Variants in PROCR observed in about 807,000 individuals in gnomAD.
PROCR encodes protein C receptor, also known as endothelial protein C receptor.
A neutral mutation model predicts 24.2 loss-of-function variants in PROCR; 22 were observed. The ratio of observed to expected loss-of-function variants is 0.91; its 90% CI spans 0.65 to 1.30. PROCR has a LOEUF of 1.30. PROCR is among the 50% of genes most tolerant of loss of function. PROCR has a pLI of 0.00. For missense variants in PROCR, 288 were observed against 307.7 expected (o/e 0.94, Z 0.48); for synonymous variants, 137 against 139.2 (o/e 0.98, Z 0.11).
upstream of PROCR, among the ~76,000 whole-genome samples, chr20:35,171,110 AG>A (rs1410286583): frequency 6.6e-6 from 1 of 152,138 alleles, no homozygotes; most frequent in Non-Finnish European, 1.5e-5. Flanking sequence ...CATATTGGCC[AG>A]GCTGGTCTCA....
At chr20:35,203,579 T>C (rs557710826) in intron 1 of PROCR, among the ~76,000 whole-genome samples, 18 of 150,326 alleles carry the variant, frequency 1.2e-4, no homozygotes, top group African/African-American at 3.9e-4. Context: ...ATCGCACCAC[T>C]GCACTCCAGC....
chr20:35,215,307 T>C (rs2060377962), intron 1 of PROCR, among the ~76,000 whole-genome samples: 1 of 152,216 alleles, frequency 6.6e-6, no homozygotes, highest in Non-Finnish European at 1.5e-5. Flanking sequence ...GTATATTGCA[T>C]ATAAAACTAT....
At position 35,174,920 on chromosome 20, in the gene PROCR, G is replaced by C. The variant is rs754196180; in HGVS notation, c.289G>C (p.Val97Leu). Residue 97 changes from valine (V) to leucine (L), a missense_variant, in exon 2 of 4, where the codon GTG (valine) becomes CTG (leucine). Physicochemically the swap from Val to Leu is conservative, Grantham distance 32 (BLOSUM62 1). Transcript: ENST00000216968. Reference sequence around the variant, plus strand: ...CTACCTGCTCCAGTTCCACGGCCTCGTGCGCCTGGTGCACCAGGAGCGGAC... The same window carrying C: ...CTACCTGCTCCAGTTCCACGGCCTCCTGCGCCTGGTGCACCAGGAGCGGAC... The part of the protein sequence containing the change: ...QSYLLQFHGL[V>L]RLVHQERTLA... 8.8e-6 allele frequency: 14 copies of C among 1,594,942 alleles called. No homozygotes were observed. In the South Asian group the frequency reaches 1.3e-4, roughly 15 times the overall value.
rs200029202 is a variant in PROCR, at chr20:35,205,752, AATATATATATATATATATAT to A, written c.95-10124_95-10105del. Among the ~76,000 whole-genome samples, 76 of 102,624 alleles carry A rather than the reference AATATATATATATATATATAT, an allele frequency of 7.4e-4. 6 individuals carry two copies. The highest frequency in any genetic ancestry group is 1.6e-3 in the African/African-American group (33 of 20,474). The allele number at this position is 102,624 out of a possible 152,430, so 67.3% of individuals were successfully genotyped here. A position where few individuals can be genotyped will look rare whatever the true frequency, so the allele number is the denominator to read the frequency against. ...GGCAACAAGGACAAAACTCTGTCTA[AATATATATATATATATATAT>A]ATATATATATATATATGTATATATA... On this transcript the variant is annotated intron_variant, in intron 1 of 1. Coordinates refer to the PROCR transcript ENST00000634509.
intron 1 of PROCR, among the ~76,000 whole-genome samples, chr20:35,209,262 C>A (rs1240452989): frequency 2.0e-5 from 3 of 152,140 alleles, no homozygotes; most frequent in African/African-American, 7.2e-5. Context: ...ATCAAGAATG[C>A]CTTCCAGGTC....
At chr20:35,178,241 T>C (rs1035939044), downstream of PROCR, among the ~76,000 whole-genome samples, 4 of 151,244 alleles carry the variant, frequency 2.6e-5, no homozygotes, top group Non-Finnish European at 5.9e-5. Flanking sequence ...CTATCTCTAC[T>C]AAAAATACAA....
intron 1 of PROCR, among the ~76,000 whole-genome samples, chr20:35,197,505 A>G (rs778650473): frequency 6.6e-6 from 1 of 152,066 alleles, no homozygotes; most frequent in Non-Finnish European, 1.5e-5. Flanking sequence ...ATAACCCTAC[A>G]ATGGCCTCTA....
downstream of PROCR, among the ~76,000 whole-genome samples, chr20:35,180,955 C>G (rs1319507446): frequency 2.0e-5 from 3 of 152,054 alleles, no homozygotes; most frequent in African/African-American, 4.8e-5. Flanking sequence ...CAACCTCTGC[C>G]TCACAGGTTC....
downstream of PROCR, among the ~76,000 whole-genome samples, chr20:35,177,541 C>T (rs1260761775): frequency 1.3e-5 from 2 of 150,264 alleles, no homozygotes; most frequent in Non-Finnish European, 3.0e-5. Context: ...CTCTGCCTCC[C>T]GGTTCAAGCA....
chr20:35,215,676 T>C (rs924634782), intron 1 of PROCR, among the ~76,000 whole-genome samples: 2 of 152,284 alleles, frequency 1.3e-5, no homozygotes, highest in East Asian at 1.9e-4. Flanking sequence ...TGCTGTTTTT[T>C]AGGTGTGTCG....
intron 1 of PROCR, among the ~76,000 whole-genome samples, chr20:35,194,795 C>G (rs2086202343): frequency 6.6e-6 from 1 of 152,180 alleles, no homozygotes; most frequent in South Asian, 2.1e-4. Context: ...CCACCCACAG[C>G]AGGTGAGACA....
chr20:35,196,176 C>A (rs1174920842), intron 1 of PROCR, among the ~76,000 whole-genome samples: 2 of 68,676 alleles, frequency 2.9e-5, no homozygotes, highest in Non-Finnish European at 5.1e-5. Flanking sequence ...AGTGAGACTG[C>A]CTCCAAAAAA....
downstream of PROCR, among the ~76,000 whole-genome samples, chr20:35,179,967 C>T (rs11907011): frequency 0.089 from 13,461 of 152,092 alleles, 700 homozygotes; most frequent in South Asian, 0.16. Flanking sequence ...TCCTGTTGGC[C>T]GGGCATGATG....
chr20:35,199,877 G>A (rs2060312519), intron 1 of PROCR, among the ~76,000 whole-genome samples: 1 of 152,110 alleles, frequency 6.6e-6, no homozygotes, highest in African/African-American at 2.4e-5. Context: ...AAGAACAGTT[G>A]TGATTCATGG....
At chr20:35,198,241 G>A (rs1369897858) in intron 1 of PROCR, among the ~76,000 whole-genome samples, 4 of 151,732 alleles carry the variant, frequency 2.6e-5, no homozygotes, top group Non-Finnish European at 4.4e-5. Flanking sequence ...GCAGTGAGCT[G>A]AGATTGTGCC....
At chr20:35,204,354 C>CTCCCTCCCTCCT (rs1174272522) in intron 1 of PROCR, among the ~76,000 whole-genome samples, 1 of 148,286 alleles carries the variant, frequency 6.7e-6, no homozygotes, top group Non-Finnish European at 1.5e-5. Context: ...TCCTTCCTCC[C>CTCCCTCCCTCCT]TCCCTCCCTC....
chr20:35,180,574 G>A (rs554011360), downstream of PROCR, among the ~76,000 whole-genome samples: 5 of 152,158 alleles, frequency 3.3e-5, no homozygotes, highest in South Asian at 2.1e-4. Context: ...CTGCATTGCC[G>A]TTTGACTTCT....
At chr20:35,191,699 ATGAACAAGGAGGCCAGTTTATC>A in intron 1 of PROCR, among the ~76,000 whole-genome samples, 1 of 152,208 alleles carries the variant, frequency 6.6e-6, no homozygotes. Context: ...GGTTTATTTC[ATGAACAAGGAGGCCAGTTTATC>A]TGAAGTGGTA....
intron 1 of PROCR, among the ~76,000 whole-genome samples, chr20:35,192,857 T>C (rs1361628731): frequency 6.6e-6 from 1 of 152,162 alleles, no homozygotes; most frequent in Non-Finnish European, 1.5e-5. Context: ...CTTTGTAATA[T>C]CCCCAACTAA....
Sources: gnomAD v4.1 joint callset for allele counts (sites outside exome capture counted in the v4.1 genomes callset) on GRCh38, gnomAD v4.1.1 for gene constraint, MANE v1.5 for transcripts, NCBI Gene and HGNC (gene_info 2026-07-23, HGNC 2026-07-21) for gene names.